The following LRRIQ3 variants were observed in gnomAD, a reference collection of about 807,000 sequenced individuals.
LRRIQ3 encodes leucine-rich repeat and IQ domain-containing protein 3.
LRRIQ3 carries 75 observed loss-of-function variants against 59.3 expected under a neutral mutation model. The observed-to-expected ratio is 1.26, with a 90% CI of 1.05 to 1.53. The LOEUF (loss-of-function observed/expected upper bound fraction) is 1.53, where lower values mean the gene tolerates loss of function less well. LRRIQ3 is among the 40% of genes most tolerant of loss of function. LRRIQ3 has a pLI of 0.00. For synonymous variants in LRRIQ3, 250 were observed against 231.3 expected (o/e 1.08, Z -0.73); for missense variants, 831 against 710.0 (o/e 1.17, Z -1.94).
At chr1:74,195,012 C>T (rs1394243641) in intron 1 of LRRIQ3, among the ~76,000 whole-genome samples, 1 of 151,880 alleles carries the variant, frequency 6.6e-6, no homozygotes, top group African/African-American at 2.4e-5. Flanking sequence ...GAAAAAAAAT[C>T]TACAAAAATA....
chr1:74,059,512 A>G (rs1337952122), intron 6 of LRRIQ3, among the ~76,000 whole-genome samples: 1 of 152,054 alleles, frequency 6.6e-6, no homozygotes, highest in South Asian at 2.1e-4. Context: ...TCCTCAATAA[A>G]TTATCTTGGC....
chr1:74,104,109 C>T (rs955041132), intron 5 of LRRIQ3, among the ~76,000 whole-genome samples: 4 of 151,800 alleles, frequency 2.6e-5, no homozygotes, highest in Admixed American at 6.6e-5. Context: ...AGTAAGCATA[C>T]GAAATGTTCA....
chr1:74,137,390 G>A (rs1394479442), intron 4 of LRRIQ3, among the ~76,000 whole-genome samples: 4 of 152,056 alleles, frequency 2.6e-5, no homozygotes, highest in Non-Finnish European at 4.4e-5. Flanking sequence ...AAACCACAAT[G>A]AGATACCATC....
At chr1:74,064,875 C>T (rs770332589) in intron 6 of LRRIQ3, among the ~76,000 whole-genome samples, 1 of 151,804 alleles carries the variant, frequency 6.6e-6, no homozygotes, top group Non-Finnish European at 1.5e-5. Context: ...ATATTTTGTT[C>T]TTAATATTTT....
chr1:74,122,284 T>A (rs1646870745), intron 4 of LRRIQ3, among the ~76,000 whole-genome samples: 1 of 152,180 alleles, frequency 6.6e-6, no homozygotes, highest in Non-Finnish European at 1.5e-5. Context: ...TTCTAATTGG[T>A]GTGAGATGTT....
chr1:74,084,008 C>T, intron 5 of LRRIQ3: 1 of 510,780 alleles, frequency 2.0e-6, no homozygotes, highest in Non-Finnish European at 3.4e-6. Context: ...TTAATAAATG[C>T]TAGCTTGAGT....
intron 6 of LRRIQ3, among the ~76,000 whole-genome samples, chr1:74,059,481 T>C (rs1049885934): frequency 6.6e-6 from 1 of 152,088 alleles, no homozygotes; most frequent in Non-Finnish European, 1.5e-5. Flanking sequence ...CCCAGCACCA[T>C]TTTTTGAAAA....
At chr1:74,145,818 A>G (rs1211034139) in intron 4 of LRRIQ3, among the ~76,000 whole-genome samples, 12 of 152,060 alleles carry the variant, frequency 7.9e-5, no homozygotes. Flanking sequence ...CTATGAAGTA[A>G]TTATATTTAC....
chr1:74,086,414 A>G (rs1646327849), intron 5 of LRRIQ3, among the ~76,000 whole-genome samples: 1 of 151,834 alleles, frequency 6.6e-6, no homozygotes, highest in African/African-American at 2.4e-5. Flanking sequence ...CAGTTGCTCA[A>G]CTCTTTCTTG....
intron 6 of LRRIQ3, among the ~76,000 whole-genome samples, chr1:74,060,210 TTCTTCTTCTTG>T (rs1456206462): frequency 4.9e-5 from 1 of 20,486 alleles, no homozygotes; most frequent in African/African-American, 7.3e-5. Context: ...CTTCTTCTTC[TTCTTCTTCTTG>T]TTCTTCTTCT....
intron 5 of LRRIQ3, among the ~76,000 whole-genome samples, chr1:74,104,788 C>G (rs1187703602): frequency 6.6e-6 from 1 of 151,918 alleles, no homozygotes; most frequent in Non-Finnish European, 1.5e-5. Flanking sequence ...GTGTACAACA[C>G]CAACAATGAA....
intron 4 of LRRIQ3, among the ~76,000 whole-genome samples, chr1:74,121,976 T>C (rs1646864757): frequency 6.6e-6 from 1 of 152,048 alleles, no homozygotes; most frequent in African/African-American, 2.4e-5. Flanking sequence ...CTTAATCCAG[T>C]CTATCATTGT....
intron 2 of LRRIQ3, 71 bp downstream of exon 2, chr1:74,183,365 G>A: frequency 1.5e-6 from 2 of 1,298,244 alleles, no homozygotes; most frequent in Non-Finnish European, 2.1e-6. Flanking sequence ...ACTGTGGATA[G>A]GTAACATAAG....
chr1:74,041,648 G>C lies in LRRIQ3; in HGVS notation c.1283C>G (p.Thr428Arg), dbSNP rs778359256. 5.0e-6 allele frequency: 8 copies of C among 1,613,550 alleles called. No individual in the cohort carries two copies. Among genetic ancestry groups the C allele is most frequent in the Non-Finnish European group, 6.8e-6 (8 of 1,179,820 alleles). The change falls in exon 7 of 8, where the codon ACA (threonine) becomes AGA (arginine). Residue 428 changes from threonine to arginine, a missense_variant. Physicochemically the swap from Thr to Arg is moderately conservative, Grantham distance 71. Transcript: ENST00000354431. Reference protein sequence around the residue: ...RTFSDIDKYYTEQKKQEYHKE... With the variant: ...RTFSDIDKYYREQKKQEYHKE... ...ATGGTATTCCTGCTTCTTTTGTTCTGTGTAATATTTGTCAATATCACTAAA... is the reference window on the plus strand; with the variant it reads ...ATGGTATTCCTGCTTCTTTTGTTCTCTGTAATATTTGTCAATATCACTAAA...
intron 4 of LRRIQ3, among the ~76,000 whole-genome samples, chr1:74,110,543 G>A (rs1020834123): frequency 2.0e-5 from 3 of 151,872 alleles, no homozygotes; most frequent in African/African-American, 7.2e-5. Context: ...TCAATATCAC[G>A]GAGGTGATTT....
chr1:74,054,595 G>C (rs4649996), intron 6 of LRRIQ3, among the ~76,000 whole-genome samples: 64,236 of 151,622 alleles, frequency 0.42, 15,143 homozygotes, highest in East Asian at 0.77. Context: ...TATATTATAT[G>C]TGGTGTGGGA....
rs964983746 is a variant in LRRIQ3 at position 74,176,269 on chromosome 1, G to C, written c.573+6269C>G. 2.6e-5 allele frequency among the ~76,000 whole-genome samples: 4 copies of C among 151,978 alleles called. No homozygotes were observed. In the East Asian group the frequency reaches 7.7e-4, roughly 29 times the overall value. ...TTTGATAGTGTTATTTTCTTTCTGA[G>C]CTTGAAAAATATTTTGCAACTTGCT... is the stretch of plus-strand genomic sequence containing the variant. On this transcript the variant is annotated intron_variant, in intron 3 of 7. Coordinates refer to ENST00000354431, the MANE Select transcript of LRRIQ3 (RefSeq NM_001105659.2).
In LRRIQ3 at chr1:74,026,833, G is replaced by A; in HGVS notation, c.1855C>T (p.Pro619Ser). 2 of 1,606,756 alleles carry A rather than the reference G, an allele frequency of 1.2e-6. No individual in the cohort carries two copies. Among genetic ancestry groups the A allele is most frequent in the Non-Finnish European group, 1.7e-6 (2 of 1,176,986 alleles). The change falls in exon 8 of 8, where the codon CCC becomes TCC. Residue 619 changes from proline to serine, a missense_variant. Transcript: ENST00000354431. Reference sequence around the variant, plus strand: ...TTGATTCATTTTATCAGTCCATTGGGAACTTTAAAGTCTAAATTTGTTTTC... The same window carrying A: ...TTGATTCATTTTATCAGTCCATTGGAAACTTTAAAGTCTAAATTTGTTTTC... ...IVKTNLDFKVPNGLIK is the reference protein window; with the variant it reads ...IVKTNLDFKVSNGLIK
chr1:74,108,792 C>T lies in LRRIQ3; in HGVS notation c.867+602G>A, dbSNP rs138972781. On this transcript the variant is annotated intron_variant, in intron 5 of 7. Transcript: ENST00000354431. ...TTCTAGAGTCAGAAGACCTGGAGTC[C>T]GATCCTACCTATTAATTATGTAGCT... 50 of 243,410 alleles carry T rather than the reference C, an allele frequency of 2.1e-4. 1 individual carries two copies. The East Asian group carries it at 6.3e-3, about 31-fold the overall frequency. The allele number at this position is 243,410 out of a possible 1,614,324, so 15.1% of individuals were successfully genotyped here.
Sources: allele counts gnomAD v4.1 joint callset (sites outside exome capture counted in the v4.1 genomes callset), GRCh38; gene constraint gnomAD v4.1.1; transcripts MANE v1.5; gene names NCBI Gene and HGNC (gene_info 2026-07-23, HGNC 2026-07-21).